The following DSG2 variants were observed in gnomAD, a reference collection of about 807,000 sequenced individuals.
The protein encoded by DSG2 is desmoglein-2.
In DSG2, 45 loss-of-function variants were observed where a neutral mutation model predicts 75.6. The observed-to-expected ratio is 0.60, with a 90% CI of 0.47 to 0.76. DSG2 has a LOEUF of 0.76. Ranked by LOEUF, DSG2 falls within the 30% of genes least tolerant of loss-of-function variation. The pLI is 0.00. For missense variants in DSG2, 1,267 were observed against 1,357.4 expected (o/e 0.93, Z 1.05); for synonymous variants, 429 against 483.9 (o/e 0.89, Z 1.49).
intron 1 of DSG2, among the ~76,000 whole-genome samples, chr18:31,504,409 A>G (rs2073028683): frequency 5.9e-5 from 9 of 152,216 alleles, no homozygotes; most frequent in Admixed American, 5.9e-4. Flanking sequence ...GTCCTAGCTC[A>G]GTCATCATCT....
At chr18:31,539,090 G>C in intron 12 of DSG2, 112 bp downstream of exon 12, 2 of 1,023,076 alleles carry the variant, frequency 2.0e-6, no homozygotes, top group Non-Finnish European at 3.0e-6. Flanking sequence ...AACCACACTA[G>C]AGCACTTTGA....
At position 31,542,620 on chromosome 18, in the gene DSG2, C is replaced by G; in HGVS notation, c.2102C>G (p.Ser701Cys). The change falls in exon 14 of 15, where the codon TCT becomes TGT. Residue 701 changes from serine (S) to cysteine (C), a missense_variant. Coordinates refer to ENST00000261590, the MANE Select transcript of DSG2 (RefSeq NM_001943.5). Reference sequence around the variant, plus strand: ...GAAGCCACGATGAAAGGAAGTAGCTCTGCTTCCATTGTCAAAGGGCAACAT... The same window carrying G: ...GAAGCCACGATGAAAGGAAGTAGCTGTGCTTCCATTGTCAAAGGGCAACAT... ...AKEATMKGSS[S>C]ASIVKGQHEM... The G allele has an allele frequency of 1.2e-6, 2 of 1,614,130 alleles. No individual in the cohort carries two copies. Among genetic ancestry groups the G allele is most frequent in the South Asian group, 2.2e-5 (2 of 91,084 alleles).
intron 1 of DSG2, 60 bp from the exon 2 acceptor site, chr18:31,518,179 A>T: frequency 7.5e-7 from 1 of 1,327,208 alleles, no homozygotes; most frequent in Non-Finnish European, 1.1e-6. Flanking sequence ...TTCATGAACA[A>T]TGTTTTCACA....
intron 1 of DSG2, among the ~76,000 whole-genome samples, chr18:31,512,443 C>G (rs1456926252): frequency 6.6e-6 from 1 of 152,242 alleles, no homozygotes; most frequent in Admixed American, 6.5e-5. Context: ...CGTGCTTCTG[C>G]AATGATGCAA....
chr18:31,510,610 G>A (rs1460687420), intron 1 of DSG2, among the ~76,000 whole-genome samples: 10 of 152,022 alleles, frequency 6.6e-5, no homozygotes, highest in Admixed American at 6.6e-4. Flanking sequence ...AAAATCTTTT[G>A]CCAGATACCA....
intron 1 of DSG2, among the ~76,000 whole-genome samples, chr18:31,516,791 G>A (rs1240719634): frequency 6.6e-6 from 1 of 152,168 alleles, no homozygotes; most frequent in African/African-American, 2.4e-5. Flanking sequence ...GAAAAGTGAG[G>A]CAGGAATAGC....
At chr18:31,518,176 A>G (rs544086654) in intron 1 of DSG2, 63 bp from the exon 2 acceptor site, 5 of 1,299,804 alleles carry the variant, frequency 3.8e-6, no homozygotes, top group Non-Finnish European at 5.6e-6. Flanking sequence ...TTATTCATGA[A>G]CAATGTTTTC....
intron 1 of DSG2, among the ~76,000 whole-genome samples, chr18:31,509,173 G>T (rs1265591508): frequency 6.6e-6 from 1 of 152,148 alleles, no homozygotes; most frequent in Non-Finnish European, 1.5e-5. Flanking sequence ...GTCAAGTGTA[G>T]CAAAGCATTG....
intron 3 of DSG2, 140 bp from the exon 4 acceptor site, chr18:31,520,663 A>G (rs994678591): frequency 2.2e-6 from 2 of 909,256 alleles, no homozygotes; most frequent in Non-Finnish European, 3.3e-6. Flanking sequence ...CTGTATTACC[A>G]AAGAACTTCA....
Position 31,547,460 on chromosome 18 carries a change from T to C in DSG2, c.*717T>C. The C allele has an allele frequency of 6.5e-6, 1 of 152,854 alleles. No individual in the cohort carries two copies. Among genetic ancestry groups the C allele is most frequent in the Non-Finnish European group, 1.5e-5 (1 of 68,544 alleles). 9.5% of individuals were successfully genotyped at this position (152,854 alleles called of 1,614,324 possible). ...GGGAGGCCGAGGCGGGTGGATCAAC[T>C]GTGGTCAGGAGTTTGAGATCAGCCA... On this transcript the variant is annotated 3_prime_UTR_variant, in exon 15 of 15. Transcript: ENST00000261590.
At chr18:31,533,307 A>G (rs2073209267) in intron 9 of DSG2, among the ~76,000 whole-genome samples, 1 of 151,998 alleles carries the variant, frequency 6.6e-6, no homozygotes, top group African/African-American at 2.4e-5. Flanking sequence ...TGTCTCTACA[A>G]AAAAAAATTT....
chr18:31,520,845 T>G lies in DSG2; in HGVS notation c.259T>G (p.Tyr87Asp). The G allele has an allele frequency of 6.2e-7, 1 of 1,613,830 alleles. No homozygotes were observed. The highest frequency in any genetic ancestry group is 8.5e-7 in the Non-Finnish European group (1 of 1,179,836). ...LAEERGLKIT[Y>D]KYTGKGITEP... ...AGAAGAAAGAGGACTCAAAATTACT[T>G]ACAAATACACTGGAAAAGGGATTAC... The change falls in exon 4 of 15, where the codon TAC becomes GAC. Residue 87 changes from tyrosine (Y) to aspartate (D), a missense_variant. Tyr to Asp is a radical substitution (Grantham distance 160, BLOSUM62 -3). Transcript: ENST00000261590.
chr18:31,531,368 C>T, intron 9 of DSG2, 116 bp downstream of exon 9: 1 of 1,244,622 alleles, frequency 8.0e-7, no homozygotes, highest in Non-Finnish European at 1.1e-6. Context: ...TATAGTTCCC[C>T]AAAGGTCTAC....
chr18:31,544,170 A>T (rs371590413), intron 14 of DSG2, among the ~76,000 whole-genome samples: 1 of 152,202 alleles, frequency 6.6e-6, no homozygotes, highest in Non-Finnish European at 1.5e-5. Flanking sequence ...AACCAAATGG[A>T]TCTAGTTGAT....
chr18:31,537,812 G>A (rs918300945), intron 11 of DSG2, among the ~76,000 whole-genome samples: 1 of 151,958 alleles, frequency 6.6e-6, no homozygotes, highest in African/African-American at 2.4e-5. Context: ...AGACCAGCCT[G>A]GCCAACATGG....
chr18:31,506,181 G>T (rs993094751), intron 1 of DSG2, among the ~76,000 whole-genome samples: 5 of 152,082 alleles, frequency 3.3e-5, no homozygotes, highest in Non-Finnish European at 7.3e-5. Flanking sequence ...TCAAACCCAG[G>T]TTCACCTGGC....
intron 8 of DSG2, 31 bp downstream of exon 8, chr18:31,524,919 G>A: frequency 6.2e-7 from 1 of 1,604,000 alleles, no homozygotes; most frequent in Non-Finnish European, 8.5e-7. Flanking sequence ...ACTGGCGTGG[G>A]CCAAGTTGGT....
Position 31,546,875 on chromosome 18 carries a change from A to C in DSG2, c.*132A>C, listed in dbSNP as rs1215855407. ...ACACATTGATCTTAAAATTTTTCTC[A>C]GTCACTGATATGCAAAGGACCACAC... On this transcript the variant is annotated 3_prime_UTR_variant, in exon 15 of 15. Transcript: ENST00000261590. 1 of 956,646 alleles carries C rather than the reference A, an allele frequency of 1.0e-6. No individual in the cohort carries two copies. The highest frequency in any genetic ancestry group is 1.7e-6 in the Non-Finnish European group (1 of 601,126). 59.3% of individuals were successfully genotyped at this position (956,646 alleles called of 1,614,324 possible).
Position 31,538,736 on chromosome 18 carries a change from C to G in DSG2, c.1652-15C>G, listed in dbSNP as rs1267420769. The G allele has an allele frequency of 6.2e-7, 1 of 1,610,670 alleles. No individual in the cohort carries two copies. Among genetic ancestry groups the G allele is most frequent in the Non-Finnish European group, 8.5e-7 (1 of 1,176,974 alleles). On this transcript the variant is annotated splice_polypyrimidine_tract_variant and intron_variant, in intron 11 of 14. Transcript: ENST00000261590. ...ATCGTTCGTTTTTATTTCCTTCTGC[C>G]TCCCAACCTTGTAGGTACCAGTGTG...
Sources: gnomAD v4.1 joint callset for allele counts (sites outside exome capture counted in the v4.1 genomes callset) on GRCh38, gnomAD v4.1.1 for gene constraint, MANE v1.5 for transcripts, NCBI Gene and HGNC (gene_info 2026-07-23, HGNC 2026-07-21) for gene names.